MYLK: variants seen among roughly 807,000 people sequenced by gnomAD.
The protein encoded by MYLK is myosin light chain kinase, smooth muscle.
A neutral mutation model predicts 203.4 loss-of-function variants in MYLK; 106 were observed. The observed-to-expected ratio is 0.52, with a 90% CI of 0.45 to 0.61. MYLK has a LOEUF of 0.61. MYLK is among the 20% of genes least tolerant of loss of function. The pLI, the probability that MYLK is intolerant of heterozygous loss-of-function variation, is 0.00. For synonymous variants in MYLK, 867 were observed against 959.5 expected, an observed-to-expected ratio of 0.90 and a Z score of 1.78; for missense variants, 2,072 against 2,442.3, an observed-to-expected ratio of 0.85 and a Z score of 3.20.
intron 3 of MYLK, among the ~76,000 whole-genome samples, chr3:123,812,736 A>T (rs1277418630): frequency 6.6e-6 from 1 of 152,164 alleles, no homozygotes; most frequent in Admixed American, 6.5e-5. Context: ...TCACACATCC[A>T]GTCAGCTGTG....
At chr3:123,855,642 A>G (rs1285009621) in intron 2 of MYLK, among the ~76,000 whole-genome samples, 1 of 152,100 alleles carries the variant, frequency 6.6e-6, no homozygotes, top group Non-Finnish European at 1.5e-5. Context: ...CTGTCCTTAA[A>G]AAAATAAATA....
chr3:123,855,785 CA>C (rs2148676221), intron 2 of MYLK, among the ~76,000 whole-genome samples: 1 of 152,262 alleles, frequency 6.6e-6, no homozygotes, highest in South Asian at 2.1e-4. Context: ...CTCCAAAAGA[CA>C]AGCATGGTAA....
intron 4 of MYLK, among the ~76,000 whole-genome samples, chr3:123,781,171 T>C (rs2064283731): frequency 6.6e-6 from 1 of 152,174 alleles, no homozygotes; most frequent in Non-Finnish European, 1.5e-5. Flanking sequence ...GAAAGGCAAA[T>C]GCCAGGCCAG....
intron 2 of MYLK, among the ~76,000 whole-genome samples, chr3:123,853,003 C>T (rs2030993903): frequency 6.6e-6 from 1 of 151,980 alleles, no homozygotes; most frequent in Admixed American, 6.6e-5. Flanking sequence ...GTTGTATGAC[C>T]ATTTGTTAAG....
At chr3:123,836,589 G>A (rs1191627747) in intron 2 of MYLK, among the ~76,000 whole-genome samples, 1 of 152,136 alleles carries the variant, frequency 6.6e-6, no homozygotes, top group Non-Finnish European at 1.5e-5. Flanking sequence ...GGAGCACCTG[G>A]TAGGCTACCA....
chr3:123,848,609 G>A (rs1185393226), intron 2 of MYLK, among the ~76,000 whole-genome samples: 1 of 152,070 alleles, frequency 6.6e-6, no homozygotes, highest in Non-Finnish European at 1.5e-5. Flanking sequence ...TATTACATAG[G>A]GCTTCCAAGA....
rs1269600181 is a variant in MYLK at position 123,629,731 on chromosome 3, C to G, written c.4962-105G>C. On this transcript the variant is annotated intron_variant, in intron 29 of 33. Coordinates refer to ENST00000360304, the MANE Select transcript of MYLK (RefSeq NM_053025.4). This position sits in a 1 kb window ranked among gnomAD's most constrained non-coding sequence, Gnocchi z 4.4. ...CGAGGGTCGGCCAGCCTCCCCACCC[C>G]CAAACTCATGCTCTGTGGGCCTTGC... 1.6e-6 allele frequency: 2 copies of G among 1,216,906 alleles called. No homozygotes were observed. The highest frequency in any genetic ancestry group is 1.2e-6 in the Non-Finnish European group (1 of 830,838). 75.4% of individuals were successfully genotyped at this position (1,216,906 alleles called of 1,614,324 possible).
intron 3 of MYLK, among the ~76,000 whole-genome samples, chr3:123,817,831 C>T (rs901541042): frequency 2.6e-5 from 4 of 152,170 alleles, no homozygotes; most frequent in African/African-American, 9.7e-5. Flanking sequence ...AAGGCACCCT[C>T]CTCACACATG....
At chr3:123,709,516 C>A in intron 14 of MYLK, 1 of 556,100 alleles carries the variant, frequency 1.8e-6, no homozygotes, top group East Asian at 3.3e-5. Flanking sequence ...TAATCTTTCA[C>A]TGCTCTAGCT....
chr3:123,649,338 G>A, intron 24 of MYLK, 144 bp from the exon 25 acceptor site: 2 of 1,060,026 alleles, frequency 1.9e-6, no homozygotes, highest in Non-Finnish European at 2.8e-6. Flanking sequence ...GGCATCCCCT[G>A]GGGCTGGTCA....
intron 20 of MYLK, among the ~76,000 whole-genome samples, chr3:123,671,711 G>A (rs2059918264): frequency 6.6e-6 from 1 of 152,182 alleles, no homozygotes; most frequent in Non-Finnish European, 1.5e-5. Context: ...GGTTTCTTCT[G>A]AGGTGAGAGA....
chr3:123,695,046 C>T (rs2060856805), intron 18 of MYLK, among the ~76,000 whole-genome samples: 1 of 152,198 alleles, frequency 6.6e-6, no homozygotes. Context: ...AGTAAGCGCT[C>T]CTGGGTCTGA....
chr3:123,835,681 T>C (rs1393256304), intron 2 of MYLK, among the ~76,000 whole-genome samples: 1 of 152,196 alleles, frequency 6.6e-6, no homozygotes, highest in Non-Finnish European at 1.5e-5. Flanking sequence ...CTGACCTTCT[T>C]CTTCCCTCCT....
chr3:123,842,778 C>T (rs1368037616), intron 2 of MYLK, among the ~76,000 whole-genome samples: 2 of 152,140 alleles, frequency 1.3e-5, no homozygotes, highest in African/African-American at 4.8e-5. Context: ...ACTTACATAC[C>T]AGTCAGTGTT....
At chr3:123,870,906 T>C (rs1159407468) in intron 2 of MYLK, among the ~76,000 whole-genome samples, 1 of 152,168 alleles carries the variant, frequency 6.6e-6, no homozygotes, top group Non-Finnish European at 1.5e-5. Context: ...AACCCTTTCA[T>C]CCAACAAAAC....
At chr3:123,804,549 A>C (rs1169307105) in intron 3 of MYLK, among the ~76,000 whole-genome samples, 4 of 152,188 alleles carry the variant, frequency 2.6e-5, no homozygotes, top group Admixed American at 2.0e-4. Context: ...CTCTACCTGC[A>C]GACTGTAGAT....
intron 4 of MYLK, among the ~76,000 whole-genome samples, chr3:123,781,806 C>T (rs1287110506): frequency 6.6e-6 from 1 of 152,032 alleles, no homozygotes; most frequent in Non-Finnish European, 1.5e-5. Context: ...ACAGCCTACA[C>T]AGTAGCCAGC....
chr3:123,644,917 C>T (rs543376482), intron 27 of MYLK, among the ~76,000 whole-genome samples: 4 of 152,288 alleles, frequency 2.6e-5, no homozygotes, highest in African/African-American at 9.6e-5. Context: ...ATTGACTGTT[C>T]TAATCCAAGT....
At chr3:123,692,215 A>T in intron 19 of MYLK, 1 of 674,406 alleles carries the variant, frequency 1.5e-6, no homozygotes, top group Non-Finnish European at 1.9e-6. Context: ...TATTATTATT[A>T]CTACTACCAT....
Sources: gnomAD v4.1 joint callset for allele counts (sites outside exome capture counted in the v4.1 genomes callset) on GRCh38, gnomAD v4.1.1 for gene constraint, Gnocchi (gnomAD v3.1) non-coding constraint, MANE v1.5 for transcripts, NCBI Gene and HGNC (gene_info 2026-07-23, HGNC 2026-07-21) for gene names.